Variants in FHIT observed in about 807,000 individuals in gnomAD.
FHIT encodes fragile histidine triad diadenosine triphosphatase.
In FHIT, 19 loss-of-function variants were observed where a neutral mutation model predicts 17.9. The observed-to-expected ratio is 1.06, with a 90% CI of 0.74 to 1.56. The LOEUF is 1.56. Ranked by LOEUF, FHIT falls within the 40% of genes most tolerant of loss-of-function variation. The pLI is 0.00. For synonymous variants in FHIT, 81 were observed against 69.7 expected (o/e 1.16, Z -0.81); for missense variants, 248 against 189.2 (o/e 1.31, Z -1.82).
intron 5 of FHIT, among the ~76,000 whole-genome samples, chr3:60,014,465 A>T (rs1385118740): frequency 3.9e-5 from 6 of 152,224 alleles, no homozygotes; most frequent in African/African-American, 1.4e-4. Context: ...TCTATTCTAG[A>T]TCATTCTCTC....
At chr3:61,193,362 G>C (rs374999988) in intron 2 of FHIT, among the ~76,000 whole-genome samples, 1 of 152,084 alleles carries the variant, frequency 6.6e-6, no homozygotes, top group African/African-American at 2.4e-5. Flanking sequence ...TGGGATACTG[G>C]GAAAATGACT....
At chr3:59,753,775 C>CT (rs1477396258) in intron 8 of FHIT, among the ~76,000 whole-genome samples, 1 of 152,136 alleles carries the variant, frequency 6.6e-6, no homozygotes, top group African/African-American at 2.4e-5. Flanking sequence ...GTGGAGGAAA[C>CT]TGAGTTCTGA....
intron 4 of FHIT, among the ~76,000 whole-genome samples, chr3:60,602,578 G>A (rs1553669181): frequency 6.6e-6 from 1 of 151,958 alleles, no homozygotes; most frequent in African/African-American, 2.4e-5. Context: ...AACAATCCTG[G>A]CATCTAGAAA....
At chr3:61,125,905 T>G (rs2036592210) in intron 2 of FHIT, among the ~76,000 whole-genome samples, 1 of 152,202 alleles carries the variant, frequency 6.6e-6, no homozygotes, top group South Asian at 2.1e-4. Context: ...ATATAGAATC[T>G]TCTCCAGTCC....
chr3:60,980,867 T>A, intron 3 of FHIT, among the ~76,000 whole-genome samples: 1 of 152,332 alleles, frequency 6.6e-6, no homozygotes. Flanking sequence ...TTAAGCATAC[T>A]ACAAATACCT....
chr3:60,230,825 C>T, intron 5 of FHIT, among the ~76,000 whole-genome samples: 1 of 152,196 alleles, frequency 6.6e-6, no homozygotes, highest in East Asian at 1.9e-4. Context: ...ATTCTCCTGC[C>T]TGAGCCTCCT....
chr3:60,115,621 T>C (rs1056100869), intron 5 of FHIT, among the ~76,000 whole-genome samples: 68 of 152,204 alleles, frequency 4.5e-4, no homozygotes, highest in African/African-American at 1.6e-3. Context: ...CACACAAAGA[T>C]TAGTTGTAAA....
intron 2 of FHIT, among the ~76,000 whole-genome samples, chr3:61,060,432 C>T (rs2034386589): frequency 6.6e-6 from 1 of 152,154 alleles, no homozygotes; most frequent in African/African-American, 2.4e-5. Flanking sequence ...TGACGACAGT[C>T]AATCAGGAGA....
intron 5 of FHIT, among the ~76,000 whole-genome samples, chr3:60,314,179 A>G (rs1709068206): frequency 6.6e-6 from 1 of 152,230 alleles, no homozygotes; most frequent in Non-Finnish European, 1.5e-5. Context: ...CTTGTGTCTT[A>G]ATACAGATCT....
At chr3:60,960,148 T>A (rs1462600621) in intron 3 of FHIT, among the ~76,000 whole-genome samples, 1 of 152,146 alleles carries the variant, frequency 6.6e-6, no homozygotes, top group African/African-American at 2.4e-5. Flanking sequence ...AAGAGAGTTG[T>A]GTTTCAAGCT....
chr3:60,158,367 A>C (rs1700797201), intron 5 of FHIT, among the ~76,000 whole-genome samples: 1 of 151,794 alleles, frequency 6.6e-6, no homozygotes, highest in Non-Finnish European at 1.5e-5. Flanking sequence ...TCTGGAGTGC[A>C]ATGGCGCAAT....
intron 5 of FHIT, among the ~76,000 whole-genome samples, chr3:60,414,070 C>G (rs758225781): frequency 6.6e-6 from 1 of 152,104 alleles, no homozygotes; most frequent in Non-Finnish European, 1.5e-5. Flanking sequence ...GAATGATAGG[C>G]GGGTGGATGA....
chr3:60,927,700 C>G (rs1193655435), intron 3 of FHIT, among the ~76,000 whole-genome samples: 1 of 151,948 alleles, frequency 6.6e-6, no homozygotes, highest in Non-Finnish European at 1.5e-5. Flanking sequence ...GGGAGCACCC[C>G]CGCCCGGCAG....
At chr3:59,973,668 A>G (rs1708284938) in intron 7 of FHIT, among the ~76,000 whole-genome samples, 1 of 152,150 alleles carries the variant, frequency 6.6e-6, no homozygotes, top group Admixed American at 6.6e-5. Flanking sequence ...GATGGCAAGA[A>G]CCATGTTAGA....
At chr3:60,934,239 G>T (rs1708089004) in intron 3 of FHIT, among the ~76,000 whole-genome samples, 1 of 151,994 alleles carries the variant, frequency 6.6e-6, no homozygotes, top group Admixed American at 6.6e-5. Context: ...GGAAATTCAT[G>T]GGCGAATGTG....
At chr3:61,008,621 A>G (rs969162525) in intron 3 of FHIT, among the ~76,000 whole-genome samples, 6 of 152,250 alleles carry the variant, frequency 3.9e-5, no homozygotes, top group Non-Finnish European at 7.3e-5. Flanking sequence ...CTGTGATGTC[A>G]GTAATGAAAG....
intron 5 of FHIT, among the ~76,000 whole-genome samples, chr3:60,344,097 G>T (rs962889390): frequency 1.8e-4 from 27 of 152,274 alleles, no homozygotes; most frequent in African/African-American, 6.5e-4. Flanking sequence ...AATTACTGCT[G>T]AGTAGCTTAG....
At position 60,660,727 on chromosome 3, in the gene FHIT, C is replaced by CTTTTTTTTTTTTTTTTTTTTTTTTTTT. The variant is rs1220817643; in HGVS notation, c.-17-123749_-17-123748insAAAAAAAAAAAAAAAAAAAAAAAAAAA. On this transcript the variant is annotated intron_variant, in intron 4 of 9. Transcript: ENST00000492590. ...ATGATGTGGAATATCTTTTATTGTG[C>CTTTTTTTTTTTTTTTTTTTTTTTTTTT]TCTTTTTTTTTTTTTTTTTTTTTGC... 3.6e-4 allele frequency among the ~76,000 whole-genome samples: 6 copies of CTTTTTTTTTTTTTTTTTTTTTTTTTTT among 16,758 alleles called. 1 individual carries two copies. Among genetic ancestry groups the CTTTTTTTTTTTTTTTTTTTTTTTTTTT allele is most frequent in the African/African-American group, 5.4e-4 (4 of 7,346 alleles). 11.0% of individuals were successfully genotyped at this position (16,758 alleles called of 152,430 possible).
rs1710482389 is a variant in FHIT at position 60,981,310 on chromosome 3, T to TC, written c.-111+60736_-111+60737insG. ...TTCTTCCTTCCTTTTTTTTTTTTTT[T>TC]TCTTTTTTTTTTTTGACAGAGTCTC... is the stretch of plus-strand genomic sequence containing the variant. On this transcript the variant is annotated intron_variant, in intron 3 of 9. Coordinates refer to ENST00000492590, the MANE Select transcript of FHIT (RefSeq NM_002012.4). Among the ~76,000 whole-genome samples the TC allele has an allele frequency of 1.2e-4, 14 of 119,916 alleles. 1 individual carries two copies. The South Asian group carries it at 3.2e-3, about 27-fold the overall frequency. 78.7% of individuals were successfully genotyped at this position (119,916 alleles called of 152,430 possible). A position where few individuals can be genotyped will look rare whatever the true frequency, so the allele number is the denominator to read the frequency against.
Sources: gnomAD v4.1 joint callset for allele counts (sites outside exome capture counted in the v4.1 genomes callset) on GRCh38, gnomAD v4.1.1 for gene constraint, MANE v1.5 for transcripts, NCBI Gene and HGNC (gene_info 2026-07-23, HGNC 2026-07-21) for gene names.